CRIM1: variants seen among roughly 807,000 people sequenced by gnomAD.
CRIM1 encodes cysteine rich transmembrane BMP regulator 1, also known as cysteine-rich motor neuron 1 protein.
CRIM1 carries 32 observed loss-of-function variants against 116.4 expected under a neutral mutation model. The ratio of observed to expected loss-of-function variants is 0.27; its 90% confidence interval spans 0.21 to 0.37. CRIM1 has a LOEUF of 0.37. Ranked by LOEUF, CRIM1 falls within the 10% of genes least tolerant of loss-of-function variation. The pLI is 1.00. For missense variants in CRIM1, 1,331 were observed against 1,354.8 expected, an observed-to-expected ratio of 0.98 and a Z score of 0.28; for synonymous variants, 590 against 509.2, an observed-to-expected ratio of 1.16 and a Z score of -2.13.
At chr2:36,533,212 T>C (rs894118369) in intron 13 of CRIM1, among the ~76,000 whole-genome samples, 8 of 152,162 alleles carry the variant, frequency 5.3e-5, no homozygotes, top group Non-Finnish European at 7.4e-5. Context: ...TTAAACCTGG[T>C]AGCTTCCAAA....
chr2:36,367,388 T>C (rs995829708), intron 1 of CRIM1, among the ~76,000 whole-genome samples: 1 of 152,176 alleles, frequency 6.6e-6, no homozygotes, highest in Non-Finnish European at 1.5e-5. Context: ...TGTGATAACA[T>C]GATAAAGGAG....
At chr2:36,421,400 TTGA>T (rs1275224538) in intron 2 of CRIM1, among the ~76,000 whole-genome samples, 2 of 152,248 alleles carry the variant, frequency 1.3e-5, no homozygotes, top group Non-Finnish European at 2.9e-5. Flanking sequence ...AACATCTTTC[TTGA>T]TGGGACTTTT....
chr2:36,479,881 G>A (rs1254416306), intron 7 of CRIM1, among the ~76,000 whole-genome samples, 187 bp downstream of exon 7: 1 of 152,230 alleles, frequency 6.6e-6, no homozygotes, highest in Non-Finnish European at 1.5e-5. Context: ...TGTGAAATGA[G>A]AATAGTGTGG....
In CRIM1 at chr2:36,516,575, C is replaced by T. The variant is rs189600555; in HGVS notation, c.1991-752C>T. On this transcript the variant is annotated intron_variant, in intron 11 of 16. Coordinates refer to ENST00000280527, the MANE Select transcript of CRIM1 (RefSeq NM_016441.3). ...GTTTTCACCAGCCTGCCAGCATTTA[C>T]CTCTCTTCATGATGATATTGCCAAG... Among the ~76,000 whole-genome samples, 14 of 152,310 alleles carry T rather than the reference C, an allele frequency of 9.2e-5. No homozygotes were observed. The East Asian group carries it at 1.9e-3, about 21-fold the overall frequency.
Position 36,517,441 on chromosome 2 carries a change from C to T in CRIM1, c.2105C>T (p.Thr702Ile), listed in dbSNP as rs1665100829. 8 of 1,614,246 alleles carry T rather than the reference C, an allele frequency of 5.0e-6. No homozygotes were observed. Among genetic ancestry groups the T allele is most frequent in the Non-Finnish European group, 6.8e-6 (8 of 1,180,042 alleles). Residue 702 changes from threonine (T) to isoleucine (I), a missense_variant, in exon 12 of 17, where the codon ACC (threonine) becomes ATC (isoleucine). Thr to Ile is a moderately conservative substitution (Grantham distance 89). Coordinates refer to ENST00000280527, the MANE Select transcript of CRIM1 (RefSeq NM_016441.3). The stretch of plus-strand genomic sequence containing the variant: ...AACATTGACTCCTGTACTCAGTGCA[C>T]CTGCCACAGCGGACGGGTGCTGTGT... ...TWNIDSCTQC[T>I]CHSGRVLCET...
chr2:36,428,097 A>G (rs1462003354), intron 2 of CRIM1, among the ~76,000 whole-genome samples: 2 of 152,256 alleles, frequency 1.3e-5, no homozygotes, highest in Non-Finnish European at 2.9e-5. Context: ...TTTAAATATT[A>G]TGTAAGAGAT....
At chr2:36,454,979 G>GT (rs1677026327) in intron 4 of CRIM1, among the ~76,000 whole-genome samples, 2 of 152,154 alleles carry the variant, frequency 1.3e-5, no homozygotes, top group African/African-American at 4.8e-5. Flanking sequence ...AACACCGTGG[G>GT]TTTTGGGCTC....
chr2:36,446,677 G>A (rs190066734), intron 4 of CRIM1, among the ~76,000 whole-genome samples: 142 of 152,228 alleles, frequency 9.3e-4, no homozygotes, highest in Middle Eastern at 3.4e-3. Context: ...GCATCCCGCC[G>A]TTTCTTTTTA....
chr2:36,508,541 A>T (rs976796661), intron 8 of CRIM1, among the ~76,000 whole-genome samples: 1 of 152,100 alleles, frequency 6.6e-6, no homozygotes, highest in South Asian at 2.1e-4. Flanking sequence ...CAATAATTAG[A>T]CTCTGCTTCC....
intron 11 of CRIM1, among the ~76,000 whole-genome samples, chr2:36,514,895 T>C (rs1664937624): frequency 6.6e-6 from 1 of 152,220 alleles, no homozygotes; most frequent in Non-Finnish European, 1.5e-5. Context: ...CTCCCATACC[T>C]TGTAGAAAAC....
intron 5 of CRIM1, among the ~76,000 whole-genome samples, chr2:36,473,188 C>T (rs1281681296): frequency 3.9e-5 from 6 of 152,118 alleles, no homozygotes; most frequent in African/African-American, 1.4e-4. Flanking sequence ...CAAATATCCT[C>T]CAAATGCGGT....
chr2:36,468,408 G>A (rs1257557145), intron 5 of CRIM1, among the ~76,000 whole-genome samples: 1 of 152,176 alleles, frequency 6.6e-6, no homozygotes, highest in Non-Finnish European at 1.5e-5. Flanking sequence ...TGTTGTGGCG[G>A]AGGGATGGGA....
intron 4 of CRIM1, among the ~76,000 whole-genome samples, chr2:36,447,669 A>G (rs1034192860): frequency 6.6e-6 from 1 of 152,218 alleles, no homozygotes; most frequent in Non-Finnish European, 1.5e-5. Flanking sequence ...TGTTGGTCAA[A>G]GGAAGTCCCA....
At chr2:36,542,027 G>T (rs1666977290) in intron 14 of CRIM1, among the ~76,000 whole-genome samples, 1 of 152,188 alleles carries the variant, frequency 6.6e-6, no homozygotes, top group Non-Finnish European at 1.5e-5. Flanking sequence ...AAAGGGAAAT[G>T]ACTCTCTTCC....
intron 4 of CRIM1, among the ~76,000 whole-genome samples, chr2:36,464,325 G>A (rs1444807746): frequency 6.6e-6 from 1 of 152,166 alleles, no homozygotes; most frequent in Non-Finnish European, 1.5e-5. Context: ...AAATTGGGGT[G>A]TACATAAAGG....
At chr2:36,368,389 G>A (rs1019805694) in intron 1 of CRIM1, among the ~76,000 whole-genome samples, 4 of 152,162 alleles carry the variant, frequency 2.6e-5, no homozygotes, top group Non-Finnish European at 5.9e-5. Flanking sequence ...AGCCAACTGC[G>A]AAGCTTGGAA....
In CRIM1 at chr2:36,517,553, C is replaced by T. The variant is rs1053789152; in HGVS notation, c.2206+11C>T. ...GCCCACAGTGTACAGGTAAGCGACACCATGCCTTGTGGGTGCTTGGTGGGG... is the reference window on the plus strand; with the variant it reads ...GCCCACAGTGTACAGGTAAGCGACATCATGCCTTGTGGGTGCTTGGTGGGG... On this transcript the variant is annotated intron_variant, in intron 12 of 16. Transcript: ENST00000280527. The T allele has an allele frequency of 1.2e-6, 2 of 1,603,174 alleles. No individual in the cohort carries two copies. Among genetic ancestry groups the T allele is most frequent in the Non-Finnish European group, 1.7e-6 (2 of 1,171,674 alleles).
intron 4 of CRIM1, among the ~76,000 whole-genome samples, chr2:36,460,637 C>T (rs1358669810): frequency 6.6e-6 from 1 of 152,178 alleles, no homozygotes; most frequent in African/African-American, 2.4e-5. Context: ...TTTATGAATT[C>T]ACAGTAGAGA....
chr2:36,381,780 TC>T (rs1297269876), intron 1 of CRIM1, among the ~76,000 whole-genome samples: 2 of 152,108 alleles, frequency 1.3e-5, no homozygotes, highest in African/African-American at 2.4e-5. Context: ...GAGTGAGACT[TC>T]GTCTCAAAAA....
Sources: gnomAD v4.1 joint callset for allele counts (sites outside exome capture counted in the v4.1 genomes callset) on GRCh38, gnomAD v4.1.1 for gene constraint, MANE v1.5 for transcripts, NCBI Gene and HGNC (gene_info 2026-07-23, HGNC 2026-07-21) for gene names.